OR6F1: variants seen among roughly 807,000 people sequenced by gnomAD.
The protein encoded by OR6F1 is olfactory receptor 6F1.
For synonymous variants in OR6F1, 144 were observed against 150.0 expected (o/e 0.96, Z 0.29); for missense variants, 346 against 376.0 (o/e 0.92, Z 0.66).
intron 1 of OR6F1, among the ~76,000 whole-genome samples, chr1:247,714,446 G>C (rs553447172): frequency 2.0e-5 from 3 of 150,910 alleles, no homozygotes; most frequent in Non-Finnish European, 4.4e-5. Flanking sequence ...TTGTCTTGTC[G>C]CTTCTCTACA....
In OR6F1 at chr1:247,711,730, G is replaced by A. The variant is rs1660000819; in HGVS notation, c.*99C>T. The A allele has an allele frequency of 1.3e-6, 1 of 741,908 alleles. No individual in the cohort carries two copies. The highest frequency in any genetic ancestry group is 2.3e-6 in the Non-Finnish European group (1 of 433,140). The allele number at this position is 741,908 out of a possible 1,614,324, so 46.0% of individuals were successfully genotyped here. ...TTTTGTTTGTTTGTTTTTTCTCTGT[G>A]TACCAAGAAAGATTTGCCCTATTCC... On this transcript the variant is annotated 3_prime_UTR_variant, in exon 3 of 3. Coordinates refer to ENST00000641470, the MANE Select transcript of OR6F1 (RefSeq NM_001005286.2).
At chr1:247,712,969 T>A (rs1448846337) in intron 2 of OR6F1, among the ~76,000 whole-genome samples, 152 bp from the exon 3 acceptor site, 1 of 152,208 alleles carries the variant, frequency 6.6e-6, no homozygotes, top group African/African-American at 2.4e-5. Flanking sequence ...ATATGTATTA[T>A]TATAACCAAT....
In OR6F1 at chr1:247,712,427, G is replaced by T; in HGVS notation, c.329C>A (p.Thr110Lys). Reference protein sequence around the residue: ...QMYFVFSLGCTEYFLLAAMAY... With the variant: ...QMYFVFSLGCKEYFLLAAMAY... ...CATGGCTGCCAGGAGGAAGTACTCTGTGCAGCCTAATGAGAAAACAAAGTA... is the reference window on the plus strand; with the variant it reads ...CATGGCTGCCAGGAGGAAGTACTCTTTGCAGCCTAATGAGAAAACAAAGTA... Residue 110 changes from threonine (T) to lysine (K), a missense_variant, in exon 3 of 3, where the codon ACA becomes AAA. Physicochemically the swap from Thr to Lys is moderately conservative, Grantham distance 78. Coordinates refer to ENST00000641470, the MANE Select transcript of OR6F1 (RefSeq NM_001005286.2). 1 of 1,613,582 alleles carries T rather than the reference G, an allele frequency of 6.2e-7. No individual in the cohort carries two copies. Among genetic ancestry groups the T allele is most frequent in the East Asian group, 2.2e-5 (1 of 44,878 alleles).
chr1:247,715,003 T>C (rs1660081640), intron 1 of OR6F1, among the ~76,000 whole-genome samples: 1 of 152,174 alleles, frequency 6.6e-6, no homozygotes, highest in African/African-American at 2.4e-5. Flanking sequence ...GAATGGTGAA[T>C]TGCCAGTCAC....
rs998043367 is a variant in OR6F1, at chr1:247,716,316, A to G, written c.-127+15T>C. On this transcript the variant is annotated intron_variant, in intron 1 of 2. Transcript: ENST00000641470. ...GACAGAACTTGTCGAATGCATAATC[A>G]CCCTTTTCACTTACCCAGTTGAAAT... 1 of 152,000 alleles carries G rather than the reference A, an allele frequency of 6.6e-6. No individual in the cohort carries two copies. Among genetic ancestry groups the G allele is most frequent in the African/African-American group, 2.4e-5 (1 of 41,388 alleles). 9.4% of individuals were successfully genotyped at this position (152,000 alleles called of 1,614,324 possible).
chr1:247,712,242 G>T lies in OR6F1; in HGVS notation c.514C>A (p.Arg172Ser). ...TCACAGAAGAAGTGGTTGATGGCAC[G>T]GGGGCCACAGAAGGACAGGCCACTG... ...LISGLSFCGPRAINHFFCDIA... is the reference protein window; with the variant it reads ...LISGLSFCGPSAINHFFCDIA... Residue 172 changes from arginine to serine, a missense_variant, in exon 3 of 3, where the codon CGT becomes AGT. Transcript: ENST00000641470. 6.2e-7 allele frequency: 1 copy of T among 1,614,208 alleles called. No homozygotes were observed. Among genetic ancestry groups the T allele is most frequent in the Admixed American group, 1.7e-5 (1 of 60,030 alleles).
chr1:247,711,918 CA>C lies in OR6F1; in HGVS notation c.837del (p.Val280TrpfsTer2). The C allele has an allele frequency of 6.2e-7, 1 of 1,613,960 alleles. No individual in the cohort carries two copies. The highest frequency in any genetic ancestry group is 8.5e-7 in the Non-Finnish European group (1 of 1,179,834). On this transcript the variant is annotated frameshift_variant, in exon 3 of 3. Coordinates refer to ENST00000641470, the MANE Select transcript of OR6F1 (RefSeq NM_001005286.2). LOFTEE classifies it low-confidence loss of function (END_TRUNC). ...AAGGGGTTTAAAACTGGAGTCACCA[CA>C]GTGTTCAGGACGTGGACAGCTTTGA... The part of the protein sequence containing the change: ...DLIKAVHVLN[T>X]VVTPVLNPFI...
At position 247,712,268 on chromosome 1, in the gene OR6F1, A is replaced by T; in HGVS notation, c.488T>A (p.Ile163Asn). Residue 163 changes from isoleucine (I) to asparagine (N), a missense_variant, in exon 3 of 3, where the codon ATC (isoleucine) becomes AAC (asparagine). Physicochemically the swap from Ile to Asn is moderately radical, Grantham distance 149. Coordinates refer to ENST00000641470, the MANE Select transcript of OR6F1 (RefSeq NM_001005286.2). Reference sequence around the variant, plus strand: ...GGGGCCACAGAAGGACAGGCCACTGATGAGGGCTGTGGGCACTGCAATGGC... The same window carrying T: ...GGGGCCACAGAAGGACAGGCCACTGTTGAGGGCTGTGGGCACTGCAATGGC... ...FVAIAVPTAL[I>N]SGLSFCGPRA... The T allele has an allele frequency of 1.9e-6, 3 of 1,614,154 alleles. No individual in the cohort carries two copies. The highest frequency in any genetic ancestry group is 1.7e-6 in the Non-Finnish European group (2 of 1,179,974).
At position 247,712,611 on chromosome 1, in the gene OR6F1, C is replaced by A. The variant is rs757438522; in HGVS notation, c.145G>T (p.Val49Leu). 1 of 1,613,998 alleles carries A rather than the reference C, an allele frequency of 6.2e-7. No homozygotes were observed. The highest frequency in any genetic ancestry group is 1.7e-5 in the Admixed American group (1 of 60,026). Residue 49 changes from valine to leucine, a missense_variant, in exon 3 of 3, where the codon GTG (valine) becomes TTG (leucine). Transcript: ENST00000641470. ...VSGNVAILML[V>L]STSHQLHTPM... ...GTATGCAACTGATGGGAGGTGCTCA[C>A]CAACATCAAGATAGCCACATTACCA...
rs549782338 is a variant in OR6F1 at position 247,715,534 on chromosome 1, T to C, written c.-127+797A>G. 5.3e-5 allele frequency among the ~76,000 whole-genome samples: 8 copies of C among 152,356 alleles called. No homozygotes were observed. In the East Asian group the frequency reaches 1.5e-3, roughly 29 times the overall value. On this transcript the variant is annotated intron_variant, in intron 1 of 2. Transcript: ENST00000641470. Reference sequence around the variant, plus strand: ...GAAGCACATGATGATCAACCCCACATGTGAAAACCTGTATATATTGCTCTA... The same window carrying C: ...GAAGCACATGATGATCAACCCCACACGTGAAAACCTGTATATATTGCTCTA...
rs767050794 is a variant in OR6F1 at position 247,712,277 on chromosome 1, G to C, written c.479C>G (p.Thr160Arg). The C allele has an allele frequency of 1.2e-6, 2 of 1,614,204 alleles. No individual in the cohort carries two copies. The highest frequency in any genetic ancestry group is 1.7e-6 in the Non-Finnish European group (2 of 1,180,010). ...VCGFVAIAVPTALISGLSFCG... is the reference protein window; with the variant it reads ...VCGFVAIAVPRALISGLSFCG... ...GAAGGACAGGCCACTGATGAGGGCT[G>C]TGGGCACTGCAATGGCCACGAAACC... The change falls in exon 3 of 3, where the codon ACA (threonine) becomes AGA (arginine). Residue 160 changes from threonine to arginine, a missense_variant. Transcript: ENST00000641470.
rs6587382 is a variant in OR6F1 at position 247,712,306 on chromosome 1, C to G, written c.450G>C (p.Val150=). Residue 150 remains valine, a synonymous_variant, in exon 3 of 3, where the codon GTG becomes GTC. Coordinates refer to ENST00000641470, the MANE Select transcript of OR6F1 (RefSeq NM_001005286.2). Reference sequence around the variant, plus strand: ...GCACTGCAATGGCCACGAAACCACACACCCAGGAGCCCAGGGCCAGCTGCG... The same window carrying G: ...GCACTGCAATGGCCACGAAACCACAGACCCAGGAGCCCAGGGCCAGCTGCG... ...LSAQLALGSW[V]CGFVAIAVPT... The G allele has an allele frequency of 0.26, 427,021 of 1,613,658 alleles. 60,787 individuals carry two copies. Among genetic ancestry groups the G allele is most frequent in the African/African-American group, 0.56 (41,665 of 74,988 alleles).
chr1:247,714,023 T>C (rs1047100344), intron 1 of OR6F1, 69 bp from the exon 2 acceptor site: 6 of 398,374 alleles, frequency 1.5e-5, no homozygotes, highest in African/African-American at 1.2e-4. Context: ...GTTTTTCATT[T>C]CATATGTTTC....
chr1:247,715,195 A>AT (rs1298420540), intron 1 of OR6F1, among the ~76,000 whole-genome samples: 7 of 152,176 alleles, frequency 4.6e-5, no homozygotes, highest in African/African-American at 1.7e-4. Flanking sequence ...GCTTTCAGAT[A>AT]TTTTTTATAG....
At chr1:247,715,325 T>C (rs1660086492) in intron 1 of OR6F1, among the ~76,000 whole-genome samples, 1 of 152,278 alleles carries the variant, frequency 6.6e-6, no homozygotes, top group African/African-American at 2.4e-5. Context: ...AATTCTTAAC[T>C]TCTATGAGTA....
At position 247,712,266 on chromosome 1, in the gene OR6F1, T is replaced by C. The variant is rs1660019483; in HGVS notation, c.490A>G (p.Ser164Gly). The change falls in exon 3 of 3, where the codon AGT (serine) becomes GGT (glycine). Residue 164 changes from serine (S) to glycine (G), a missense_variant. Transcript: ENST00000641470. ...CGGGGGCCACAGAAGGACAGGCCAC[T>C]GATGAGGGCTGTGGGCACTGCAATG... ...VAIAVPTALISGLSFCGPRAI... is the reference protein window; with the variant it reads ...VAIAVPTALIGGLSFCGPRAI... The C allele has an allele frequency of 1.2e-6, 2 of 1,613,982 alleles. No homozygotes were observed. The highest frequency in any genetic ancestry group is 1.3e-5 in the African/African-American group (1 of 74,918).
chr1:247,713,125 A>G (rs1161108194), intron 2 of OR6F1, among the ~76,000 whole-genome samples: 1 of 152,310 alleles, frequency 6.6e-6, no homozygotes, highest in African/African-American at 2.4e-5. Context: ...CCCAGATTAC[A>G]TCTAAACCCA....
At position 247,712,173 on chromosome 1, in the gene OR6F1, C is replaced by T. The variant is rs377653578; in HGVS notation, c.583G>A (p.Val195Ile). Residue 195 changes from valine to isoleucine, a missense_variant, in exon 3 of 3, where the codon GTA (valine) becomes ATA (isoleucine). Physicochemically the swap from Val to Ile is conservative, Grantham distance 29 (BLOSUM62 3). Coordinates refer to ENST00000641470, the MANE Select transcript of OR6F1 (RefSeq NM_001005286.2). ...GCAATCACAAAGGCCACAAGCTCTACTGCCTGTGTGTTGGTGCAGGCCAGG... is the reference window on the plus strand; with the variant it reads ...GCAATCACAAAGGCCACAAGCTCTATTGCCTGTGTGTTGGTGCAGGCCAGG... ...IALACTNTQA[V>I]ELVAFVIAVV... 27 of 1,614,142 alleles carry T rather than the reference C, an allele frequency of 1.7e-5. No individual in the cohort carries two copies. The African/African-American group carries it at 3.5e-4, about 21-fold the overall frequency.
Position 247,712,610 on chromosome 1 carries a change from A to C in OR6F1, c.146T>G (p.Val49Gly). 1 of 1,614,094 alleles carries C rather than the reference A, an allele frequency of 6.2e-7. No homozygotes were observed. Among genetic ancestry groups the C allele is most frequent in the Non-Finnish European group, 8.5e-7 (1 of 1,179,944 alleles). The part of the protein sequence containing the change: ...VSGNVAILML[V>G]STSHQLHTPM... ...GGTATGCAACTGATGGGAGGTGCTC[A>C]CCAACATCAAGATAGCCACATTACC... The change falls in exon 3 of 3, where the codon GTG (valine) becomes GGG (glycine). Residue 49 changes from valine to glycine, a missense_variant. Coordinates refer to ENST00000641470, the MANE Select transcript of OR6F1 (RefSeq NM_001005286.2).
Sources: gnomAD v4.1 joint callset for allele counts (sites outside exome capture counted in the v4.1 genomes callset) on GRCh38, gnomAD v4.1.1 for gene constraint, MANE v1.5 for transcripts, NCBI Gene and HGNC (gene_info 2026-07-23, HGNC 2026-07-21) for gene names.